The following GREM2 variants were observed in gnomAD, a reference collection of about 807,000 sequenced individuals.
GREM2 encodes gremlin-2.
Under a neutral mutation model 14.2 loss-of-function variants are expected in GREM2, and 11 were observed. The ratio of observed to expected loss-of-function variants is 0.78; its 90% CI spans 0.49 to 1.28. The LOEUF is 1.28. Ranked by LOEUF, GREM2 falls within the 50% of genes most tolerant of loss-of-function variation. The pLI, the probability that GREM2 is intolerant of heterozygous loss-of-function variation, is 0.00. For missense variants in GREM2, 210 were observed against 218.5 expected (o/e 0.96, Z 0.24); for synonymous variants, 98 against 97.6 (o/e 1.00, Z -0.02).
At chr1:240,587,876 C>T (rs1199359047) in intron 1 of GREM2, among the ~76,000 whole-genome samples, 1 of 152,138 alleles carries the variant, frequency 6.6e-6, no homozygotes, top group Non-Finnish European at 1.5e-5. Context: ...GATTTGTAGG[C>T]CTGTTAGGGC....
chr1:240,513,329 C>A (rs982971462), intron 1 of GREM2, among the ~76,000 whole-genome samples: 1 of 152,162 alleles, frequency 6.6e-6, no homozygotes, highest in Non-Finnish European at 1.5e-5. Flanking sequence ...GTAATCCCAG[C>A]ACTTTGGGAG....
At chr1:240,563,291 G>A (rs7550233) in intron 1 of GREM2, among the ~76,000 whole-genome samples, 11,160 of 152,012 alleles carry the variant, frequency 0.073, 956 homozygotes, top group African/African-American at 0.21. Flanking sequence ...TTACAAACGC[G>A]CTGCAGTGTT....
chr1:240,584,735 A>G (rs1363427120), intron 1 of GREM2, among the ~76,000 whole-genome samples: 1 of 152,086 alleles, frequency 6.6e-6, no homozygotes, highest in Non-Finnish European at 1.5e-5. Flanking sequence ...AAAGCAATGC[A>G]GTATAACAAC....
intron 1 of GREM2, among the ~76,000 whole-genome samples, chr1:240,601,891 C>T (rs928358035): frequency 2.7e-4 from 36 of 133,998 alleles, no homozygotes; most frequent in African/African-American, 6.9e-4. Context: ...CCAGCCTGGG[C>T]GACAGAGTGA....
intron 1 of GREM2, among the ~76,000 whole-genome samples, chr1:240,610,839 A>G (rs368268759): frequency 3.3e-4 from 51 of 152,356 alleles, no homozygotes; most frequent in Non-Finnish European, 3.1e-4. Flanking sequence ...ATAGGGATTC[A>G]GAGCCACATG....
chr1:240,563,147 GAGTGTGTA>G, intron 1 of GREM2, among the ~76,000 whole-genome samples: 1 of 146,210 alleles, frequency 6.8e-6, no homozygotes, highest in African/African-American at 2.7e-5. Context: ...GTGTGTGTGT[GAGTGTGTA>G]TGTGTGTACG....
chr1:240,510,344 TG>T (rs1416404630), intron 1 of GREM2, among the ~76,000 whole-genome samples: 5 of 113,360 alleles, frequency 4.4e-5, no homozygotes, highest in Non-Finnish European at 6.5e-5. Context: ...CACTCCAGCC[TG>T]GGCGACAGAG....
At chr1:240,556,200 G>T (rs1178875259) in intron 1 of GREM2, among the ~76,000 whole-genome samples, 1 of 152,180 alleles carries the variant, frequency 6.6e-6, no homozygotes, top group Non-Finnish European at 1.5e-5. Flanking sequence ...TAAAAGGGAG[G>T]CCATGTGCTA....
chr1:240,520,042 T>C (rs1678045507), intron 1 of GREM2, among the ~76,000 whole-genome samples: 1 of 149,582 alleles, frequency 6.7e-6, no homozygotes, highest in African/African-American at 2.5e-5. Flanking sequence ...ATTGTGCCAT[T>C]GCACTCCAGC....
intron 1 of GREM2, among the ~76,000 whole-genome samples, chr1:240,585,103 G>A (rs1026271498): frequency 2.0e-5 from 3 of 152,134 alleles, no homozygotes; most frequent in Middle Eastern, 3.2e-3. Context: ...TCAACTGGTG[G>A]GGAGGGATCC....
intron 1 of GREM2, among the ~76,000 whole-genome samples, chr1:240,507,656 T>C (rs1019907564): frequency 2.6e-5 from 4 of 151,654 alleles, no homozygotes; most frequent in Middle Eastern, 3.2e-3. Context: ...TTCAAGGAAG[T>C]AAGGAAATCT....
At chr1:240,585,378 T>C (rs577739968) in intron 1 of GREM2, among the ~76,000 whole-genome samples, 1 of 152,186 alleles carries the variant, frequency 6.6e-6, no homozygotes, top group Admixed American at 6.5e-5. Context: ...ATAGATTAAA[T>C]ACCCTAATTT....
chr1:240,519,555 G>A (rs944660365), intron 1 of GREM2, among the ~76,000 whole-genome samples: 3 of 152,016 alleles, frequency 2.0e-5, no homozygotes, highest in Non-Finnish European at 2.9e-5. Context: ...CGGTATTCAC[G>A]TAACATTTTT....
chr1:240,604,811 A>G (rs950693901), intron 1 of GREM2, among the ~76,000 whole-genome samples: 1 of 152,198 alleles, frequency 6.6e-6, no homozygotes, highest in Non-Finnish European at 1.5e-5. Context: ...GTAAAAGTAG[A>G]GGTTCCTCTT....
intron 1 of GREM2, among the ~76,000 whole-genome samples, chr1:240,562,422 G>C (rs940940331): frequency 6.6e-6 from 1 of 152,106 alleles, no homozygotes; most frequent in East Asian, 1.9e-4. Context: ...TAGCAGTCCC[G>C]CCTCTGAGCC....
chr1:240,530,261 A>T (rs1164664308), intron 1 of GREM2, among the ~76,000 whole-genome samples: 1 of 152,344 alleles, frequency 6.6e-6, no homozygotes, highest in East Asian at 1.9e-4. Flanking sequence ...AAAGAGAGTT[A>T]TAATGTGCAG....
chr1:240,536,589 C>T (rs542584074), intron 1 of GREM2, among the ~76,000 whole-genome samples: 24 of 151,488 alleles, frequency 1.6e-4, no homozygotes, highest in East Asian at 3.9e-4. Flanking sequence ...AAAATGGCAG[C>T]GGGGGCTGTA....
chr1:240,502,332 C>T (rs1023844052), intron 1 of GREM2, among the ~76,000 whole-genome samples: 1 of 152,166 alleles, frequency 6.6e-6, no homozygotes, highest in African/African-American at 2.4e-5. Context: ...ATGAAACTAT[C>T]ACTGTAACCC....
At chr1:240,497,168 T>A (rs1244985100) in intron 1 of GREM2, among the ~76,000 whole-genome samples, 4 of 152,230 alleles carry the variant, frequency 2.6e-5, no homozygotes, top group African/African-American at 9.6e-5. Flanking sequence ...GTGGTAGTGA[T>A]CCTGTGACCA....
Sources: gnomAD v4.1 joint callset for allele counts (sites outside exome capture counted in the v4.1 genomes callset) on GRCh38, gnomAD v4.1.1 for gene constraint, MANE v1.5 for transcripts, NCBI Gene and HGNC (gene_info 2026-07-23, HGNC 2026-07-21) for gene names.